The following DNAJC5B variants were observed in gnomAD, a reference collection of about 807,000 sequenced individuals.
DNAJC5B encodes dnaJ homolog subfamily C member 5B.
DNAJC5B carries 23 observed loss-of-function variants against 24.7 expected under a neutral mutation model. That is an observed-to-expected ratio of 0.93 (90% confidence interval 0.67 to 1.32). The LOEUF (loss-of-function observed/expected upper bound fraction) is 1.32. DNAJC5B is among the 40% of genes most tolerant of loss of function. The probability of loss-of-function intolerance (pLI) is 0.00; values close to 1 mark genes in which losing one functional copy is unlikely to be tolerated. For synonymous variants in DNAJC5B, 101 were observed against 90.1 expected (o/e 1.12, Z -0.68); for missense variants, 238 against 240.8 (o/e 0.99, Z 0.08).
At chr8:66,086,571 G>A (rs1317735991) in intron 5 of DNAJC5B, among the ~76,000 whole-genome samples, 1 of 152,082 alleles carries the variant, frequency 6.6e-6, no homozygotes, top group African/African-American at 2.4e-5. Flanking sequence ...AAGAACAGAG[G>A]AGCCAACCCT....
At chr8:66,023,812 G>A (rs936539658) in intron 1 of DNAJC5B, among the ~76,000 whole-genome samples, 1 of 152,072 alleles carries the variant, frequency 6.6e-6, no homozygotes, top group Non-Finnish European at 1.5e-5. Context: ...AGTGTAGGAG[G>A]AGCCTCCTTA....
At chr8:66,082,893 G>T (rs559847027) in intron 5 of DNAJC5B, among the ~76,000 whole-genome samples, 1 of 151,666 alleles carries the variant, frequency 6.6e-6, no homozygotes, top group Non-Finnish European at 1.5e-5. Flanking sequence ...TTAATTAACT[G>T]TCTGGCACAG....
chr8:66,076,766 A>G lies in DNAJC5B; in HGVS notation c.226A>G (p.Lys76Glu), dbSNP rs1317477379. The change falls in exon 4 of 6, where the codon AAG (lysine) becomes GAG (glutamate). Residue 76 changes from lysine to glutamate, a missense_variant. Transcript: ENST00000276570. ...NAHAILTDIS[K>E]RSIYDKYGSL... The stretch of plus-strand genomic sequence containing the variant: ...CCACGCAATACTTACCGACATTTCA[A>G]AGAGAAGCATATACGACAAGTACGG... The G allele has an allele frequency of 6.2e-7, 1 of 1,614,228 alleles. No homozygotes were observed. The highest frequency in any genetic ancestry group is 1.7e-5 in the Admixed American group (1 of 60,024).
chr8:66,080,676 C>A, intron 5 of DNAJC5B, 128 bp downstream of exon 5: 1 of 770,808 alleles, frequency 1.3e-6, no homozygotes, highest in Non-Finnish European at 2.0e-6. Context: ...ACTTCACAGA[C>A]TGTCAGCTTT....
intron 4 of DNAJC5B, among the ~76,000 whole-genome samples, chr8:66,078,083 C>A (rs958957973): frequency 6.6e-6 from 1 of 152,176 alleles, no homozygotes; most frequent in Non-Finnish European, 1.5e-5. Context: ...GAAGATACTG[C>A]AGAGGCAGGT....
At chr8:66,093,694 C>A (rs1446411932) in intron 5 of DNAJC5B, among the ~76,000 whole-genome samples, 1 of 152,062 alleles carries the variant, frequency 6.6e-6, no homozygotes, top group Non-Finnish European at 1.5e-5. Context: ...CTCTTTATGG[C>A]ATTTTTTGAT....
intron 3 of DNAJC5B, among the ~76,000 whole-genome samples, chr8:66,060,557 G>T (rs549022411): frequency 1.8e-4 from 28 of 152,328 alleles, no homozygotes; most frequent in Non-Finnish European, 3.7e-4. Flanking sequence ...ACCTGATTCT[G>T]TGTTGAACTG....
At chr8:66,035,273 C>G (rs1806456268) in intron 1 of DNAJC5B, among the ~76,000 whole-genome samples, 1 of 152,248 alleles carries the variant, frequency 6.6e-6, no homozygotes, top group South Asian at 2.1e-4. Context: ...ATCTGCCCAA[C>G]TTTACAATCC....
At chr8:66,028,647 A>T (rs1347315534) in intron 1 of DNAJC5B, among the ~76,000 whole-genome samples, 1 of 152,128 alleles carries the variant, frequency 6.6e-6, no homozygotes, top group East Asian at 1.9e-4. Context: ...CTACTGCTGC[A>T]TTCGGTCATT....
intron 3 of DNAJC5B, among the ~76,000 whole-genome samples, chr8:66,056,247 T>C (rs1051048620): frequency 4.6e-5 from 7 of 152,082 alleles, no homozygotes; most frequent in African/African-American, 1.4e-4. Context: ...TTCCTCCAGA[T>C]TGAACAGAAG....
chr8:66,084,337 C>A (rs564609007), intron 5 of DNAJC5B, among the ~76,000 whole-genome samples: 1 of 152,272 alleles, frequency 6.6e-6, no homozygotes, highest in Non-Finnish European at 1.5e-5. Context: ...GAATAAACAG[C>A]AATCATCAAG....
intron 3 of DNAJC5B, among the ~76,000 whole-genome samples, chr8:66,076,459 T>G (rs1807464370): frequency 6.6e-6 from 1 of 152,112 alleles, no homozygotes; most frequent in Non-Finnish European, 1.5e-5. Context: ...AGAGGAGAAA[T>G]AGTACTATTG....
At chr8:66,031,417 T>A (rs1208979067) in intron 1 of DNAJC5B, among the ~76,000 whole-genome samples, 2 of 152,234 alleles carry the variant, frequency 1.3e-5, no homozygotes, top group African/African-American at 2.4e-5. Flanking sequence ...CTTGCTTAGT[T>A]TTGACATAAC....
intron 3 of DNAJC5B, among the ~76,000 whole-genome samples, chr8:66,070,716 G>T (rs972006278): frequency 5.3e-5 from 8 of 152,008 alleles, no homozygotes; most frequent in Non-Finnish European, 1.2e-4. Flanking sequence ...ACTTCATATG[G>T]AACCAAAAAA....
chr8:66,080,948 A>T (rs1162285412), intron 5 of DNAJC5B, among the ~76,000 whole-genome samples: 1 of 152,152 alleles, frequency 6.6e-6, no homozygotes, highest in Admixed American at 6.5e-5. Context: ...TTTGAAATAG[A>T]AGAAAGTGGG....
intron 5 of DNAJC5B, among the ~76,000 whole-genome samples, chr8:66,087,150 G>C (rs951541793): frequency 6.6e-6 from 1 of 152,134 alleles, no homozygotes; most frequent in African/African-American, 2.4e-5. Context: ...GGAGGCCTCA[G>C]GAAACTTACA....
At chr8:66,086,688 G>A (rs1191143922) in intron 5 of DNAJC5B, among the ~76,000 whole-genome samples, 1 of 152,140 alleles carries the variant, frequency 6.6e-6, no homozygotes, top group African/African-American at 2.4e-5. Flanking sequence ...AGACTAAGTG[G>A]AGCCAGGGCT....
At position 66,050,973 on chromosome 8, in the gene DNAJC5B, T is replaced by C. The variant is rs577421423; in HGVS notation, c.-17-558T>C. On this transcript the variant is annotated intron_variant, in intron 2 of 5. Transcript: ENST00000276570. ...TCATTTTGTTGTGTGGTGAGAACAC[T>C]TAAAATCTACTCCCTAGCGATTTTC... Among the ~76,000 whole-genome samples the C allele has an allele frequency of 4.6e-5, 7 of 152,348 alleles. No individual in the cohort carries two copies. The East Asian group carries it at 1.3e-3, about 29-fold the overall frequency.
intron 1 of DNAJC5B, among the ~76,000 whole-genome samples, chr8:66,039,447 C>T (rs541045525): frequency 9.3e-5 from 14 of 151,172 alleles, no homozygotes; most frequent in African/African-American, 2.7e-4. Context: ...CTCCTGGGCT[C>T]AAGCGATTCT....
Sources: allele counts gnomAD v4.1 joint callset (sites outside exome capture counted in the v4.1 genomes callset), GRCh38; gene constraint gnomAD v4.1.1; transcripts MANE v1.5; gene names NCBI Gene and HGNC (gene_info 2026-07-23, HGNC 2026-07-21).